NRG1: variants seen among roughly 807,000 people sequenced by gnomAD.
NRG1 encodes the protein pro-neuregulin-1, membrane-bound isoform.
A neutral mutation model predicts 63.8 loss-of-function variants in NRG1; 18 were observed. The ratio of observed to expected loss-of-function variants is 0.28; its 90% CI spans 0.19 to 0.42. The LOEUF (loss-of-function observed/expected upper bound fraction) is 0.42, where lower values mean the gene tolerates loss of function less well. Ranked by LOEUF, NRG1 falls within the 10% of genes least tolerant of loss-of-function variation. The pLI, the probability that NRG1 is intolerant of heterozygous loss-of-function variation, is 1.00. For missense variants in NRG1, 762 were observed against 814.7 expected (o/e 0.94, Z 0.79); for synonymous variants, 302 against 301.3 (o/e 1.00, Z -0.02).
At chr8:32,586,800 A>G (rs1292780783) in intron 1 of NRG1, among the ~76,000 whole-genome samples, 1 of 152,220 alleles carries the variant, frequency 6.6e-6, no homozygotes, top group Non-Finnish European at 1.5e-5. Flanking sequence ...AGGAGATTTG[A>G]CCAAATAGTA....
rs373359037 is a variant in NRG1 at position 31,809,740 on chromosome 8, T to TG, written c.37+170310dup. Among the ~76,000 whole-genome samples, 830 of 117,728 alleles carry TG rather than the reference T, an allele frequency of 7.1e-3. 60 individuals are homozygous for TG. In the South Asian group the frequency reaches 0.094, roughly 13 times the overall value. The allele number at this position is 117,728 out of a possible 152,430, so 77.2% of individuals were successfully genotyped here. ...ATTTTTTTCTACTCCTTCTATTAAT[T>TG]GTTTTTTTTTTTTTTTTTTTTTGAG... On this transcript the variant is annotated intron_variant, in intron 1 of 10. Coordinates refer to the NRG1 transcript ENST00000519301.
At chr8:32,771,494 A>G (rs1157186413), downstream of NRG1, among the ~76,000 whole-genome samples, 1 of 150,312 alleles carries the variant, frequency 6.7e-6, no homozygotes, top group East Asian at 1.9e-4. Flanking sequence ...TTTCATGTTA[A>G]CTCTGATTTT....
At chr8:31,812,910 GA>G (rs1440156123) in intron 1 of NRG1, among the ~76,000 whole-genome samples, 1 of 152,144 alleles carries the variant, frequency 6.6e-6, no homozygotes, top group East Asian at 1.9e-4. Context: ...AGAATCAATA[GA>G]ACCACATGGG....
chr8:32,347,223 C>T (rs1244200982), intron 1 of NRG1, among the ~76,000 whole-genome samples: 1 of 152,050 alleles, frequency 6.6e-6, no homozygotes, highest in Non-Finnish European at 1.5e-5. Flanking sequence ...TATAATTTCC[C>T]CACTATAATA....
At chr8:32,086,728 T>C (rs944033311) in intron 1 of NRG1, among the ~76,000 whole-genome samples, 2 of 152,206 alleles carry the variant, frequency 1.3e-5, no homozygotes, top group Non-Finnish European at 2.9e-5. Flanking sequence ...GGTGACATAT[T>C]GTTTACTGTG....
At chr8:32,454,773 C>T (rs1449084882) in intron 1 of NRG1, among the ~76,000 whole-genome samples, 2 of 152,098 alleles carry the variant, frequency 1.3e-5, no homozygotes, top group Non-Finnish European at 2.9e-5. Context: ...AGACCATCTA[C>T]AGTAATGCAC....
chr8:32,274,543 A>G (rs1851887856), intron 1 of NRG1, among the ~76,000 whole-genome samples: 1 of 152,078 alleles, frequency 6.6e-6, no homozygotes, highest in South Asian at 2.1e-4. Context: ...CTTTCTTTTC[A>G]TTAACATTTA....
At chr8:32,259,456 A>G (rs904385312) in intron 1 of NRG1, among the ~76,000 whole-genome samples, 4 of 152,158 alleles carry the variant, frequency 2.6e-5, no homozygotes, top group Non-Finnish European at 4.4e-5. Flanking sequence ...ACCTTCTGCC[A>G]TGGGATCACC....
At chr8:32,744,822 T>G (rs1589548819) in intron 7 of NRG1, among the ~76,000 whole-genome samples, 1 of 152,166 alleles carries the variant, frequency 6.6e-6, no homozygotes, top group East Asian at 1.9e-4. Context: ...TCAACTTCTC[T>G]TTTAGACCAT....
At chr8:31,704,175 C>T (rs2131207282) in intron 1 of NRG1, among the ~76,000 whole-genome samples, 1 of 152,278 alleles carries the variant, frequency 6.6e-6, no homozygotes, top group Non-Finnish European at 1.5e-5. Flanking sequence ...GTGACTATCT[C>T]TACATATGGG....
chr8:31,654,296 G>A (rs1805201413), intron 1 of NRG1, among the ~76,000 whole-genome samples: 1 of 152,178 alleles, frequency 6.6e-6, no homozygotes. Context: ...TGCAACCCAG[G>A]AGGAAATAGA....
chr8:32,647,688 G>A, intron 5 of NRG1: 1 of 1,521,038 alleles, frequency 6.6e-7, no homozygotes, highest in East Asian at 2.3e-5. Context: ...GACCGTGAGA[G>A]CGGCCAGGCC....
chr8:32,373,059 G>C (rs926830818), intron 1 of NRG1, among the ~76,000 whole-genome samples: 1 of 152,174 alleles, frequency 6.6e-6, no homozygotes, highest in Non-Finnish European at 1.5e-5. Context: ...GCTGCGATAA[G>C]CCCTTGGGGT....
At chr8:31,909,102 T>C (rs1174253453) in intron 1 of NRG1, among the ~76,000 whole-genome samples, 1 of 152,146 alleles carries the variant, frequency 6.6e-6, no homozygotes. Context: ...AAGCTACACT[T>C]TGTGGCCCTT....
At chr8:32,278,000 C>A (rs140290005) in intron 1 of NRG1, among the ~76,000 whole-genome samples, 1 of 152,206 alleles carries the variant, frequency 6.6e-6, no homozygotes, top group Non-Finnish European at 1.5e-5. Flanking sequence ...CTCCAACATC[C>A]GTGCCAAACC....
chr8:32,633,110 T>G (rs998128220), intron 5 of NRG1, among the ~76,000 whole-genome samples: 1 of 152,230 alleles, frequency 6.6e-6, no homozygotes, highest in African/African-American at 2.4e-5. Context: ...TCCTTAACAA[T>G]TCAGGAAATC....
At chr8:32,279,236 C>T (rs777031516) in intron 1 of NRG1, among the ~76,000 whole-genome samples, 7 of 152,280 alleles carry the variant, frequency 4.6e-5, no homozygotes, top group East Asian at 1.9e-4. Context: ...TGTGCCATAC[C>T]GAGTGCAAGC....
chr8:31,975,609 G>A (rs1245082455), intron 1 of NRG1, among the ~76,000 whole-genome samples: 1 of 152,110 alleles, frequency 6.6e-6, no homozygotes, highest in Admixed American at 6.5e-5. Context: ...GTAAAGAAAG[G>A]AAGGAAAACT....
At chr8:31,859,552 C>T (rs140182109) in intron 1 of NRG1, among the ~76,000 whole-genome samples, 54 of 152,310 alleles carry the variant, frequency 3.5e-4, no homozygotes, top group African/African-American at 1.2e-3. Context: ...AATTACATAT[C>T]CCTTTCTACA....
Sources: allele counts gnomAD v4.1 joint callset (sites outside exome capture counted in the v4.1 genomes callset), GRCh38; gene constraint gnomAD v4.1.1; transcripts MANE v1.5; gene names NCBI Gene and HGNC (gene_info 2026-07-23, HGNC 2026-07-21).